Variants in ZNF469 observed in about 807,000 individuals in gnomAD.
ZNF469 encodes the protein zinc finger protein 469.
ZNF469 carries 1 observed loss-of-function variant against 1.0 expected under a neutral mutation model. That is an observed-to-expected ratio of 1.00 (90% CI 0.35 to 4.73). The LOEUF is 4.73. Among genes scored for constraint, ZNF469 ranks in the 30% most tolerant of loss-of-function variants. ZNF469 has a pLI of 0.16. For synonymous variants in ZNF469, 2,703 were observed against 2,363.4 expected (o/e 1.14, Z -4.17); for missense variants, 6,100 against 5,356.3 (o/e 1.14, Z -4.33).
At chr16:88,245,639 G>A in the ZNF469 span, among the ~76,000 whole-genome samples, 1 of 152,232 alleles carries the variant, frequency 6.6e-6, no homozygotes, top group Non-Finnish European at 1.5e-5. Context: ...TCCCGAAGAG[G>A]GGAATTCTCA....
At chr16:88,223,900 A>G in the ZNF469 span, among the ~76,000 whole-genome samples, 1 of 152,348 alleles carries the variant, frequency 6.6e-6, no homozygotes, top group African/African-American at 2.4e-5. Context: ...TCTCACGCTC[A>G]GCACCGCGTC....
At chr16:88,379,391 G>A (rs2092515758), upstream of ZNF469, among the ~76,000 whole-genome samples, 1 of 152,162 alleles carries the variant, frequency 6.6e-6, no homozygotes, top group East Asian at 1.9e-4. Context: ...CCCAGCCCCT[G>A]CTCCCTGCAG....
the ZNF469 span, among the ~76,000 whole-genome samples, chr16:88,192,614 A>G: frequency 3.5e-3 from 530 of 152,390 alleles, no homozygotes; most frequent in African/African-American, 0.012. Context: ...CAAGTCACAC[A>G]TGATGAGGAC....
At chr16:88,378,820 G>C (rs1390773008), upstream of ZNF469, among the ~76,000 whole-genome samples, 1 of 152,234 alleles carries the variant, frequency 6.6e-6, no homozygotes, top group African/African-American at 2.4e-5. Flanking sequence ...GGTGAAGCTT[G>C]CTTTGAAAAC....
intron 1 of ZNF469, among the ~76,000 whole-genome samples, chr16:88,383,588 C>T (rs938419120): frequency 4.7e-5 from 7 of 150,306 alleles, no homozygotes; most frequent in South Asian, 2.1e-4. Flanking sequence ...TGGCGAGGGC[C>T]GCGGAGCGAG....
the ZNF469 span, among the ~76,000 whole-genome samples, chr16:88,278,675 T>C: frequency 1.5e-5 from 2 of 134,230 alleles, 1 homozygote; most frequent in Non-Finnish European, 3.3e-5. Flanking sequence ...GTCAGTACCA[T>C]GTAGATATCA....
chr16:88,243,670 G>C, the ZNF469 span, among the ~76,000 whole-genome samples: 1 of 150,924 alleles, frequency 6.6e-6, no homozygotes, highest in Non-Finnish European at 1.5e-5. Flanking sequence ...TGGATGGGTA[G>C]ATGGATGGGT....
At chr16:88,363,307 G>A in the ZNF469 span, among the ~76,000 whole-genome samples, 15 of 152,148 alleles carry the variant, frequency 9.9e-5, no homozygotes, top group Admixed American at 2.6e-4. Flanking sequence ...ATTTTATTCT[G>A]GACATTGTGA....
At chr16:88,157,842 C>T in the ZNF469 span, among the ~76,000 whole-genome samples, 1 of 151,696 alleles carries the variant, frequency 6.6e-6, no homozygotes, top group Admixed American at 6.6e-5. Context: ...GTGCCATGCC[C>T]GTACAAAGTG....
chr16:88,408,076 T>A (rs1415281794), intron 1 of ZNF469, among the ~76,000 whole-genome samples: 2 of 152,248 alleles, frequency 1.3e-5, no homozygotes, highest in African/African-American at 4.8e-5. Flanking sequence ...GTAAGCTTTT[T>A]GGTTTGTGGT....
intron 1 of ZNF469, among the ~76,000 whole-genome samples, chr16:88,406,187 G>A (rs1467375219): frequency 1.3e-5 from 2 of 152,206 alleles, no homozygotes; most frequent in African/African-American, 4.8e-5. Flanking sequence ...CCGCCCTTCC[G>A]TGGGGCCCAG....
Position 88,436,050 on chromosome 16 carries a change from C to G in ZNF469, c.8580C>G (p.Ser2860=). 1 of 1,550,274 alleles carries G rather than the reference C, an allele frequency of 6.5e-7. No homozygotes were observed. Among genetic ancestry groups the G allele is most frequent in the South Asian group, 1.2e-5 (1 of 84,068 alleles). Residue 2860 remains serine, a synonymous_variant, in exon 3 of 3, where the codon TCC becomes TCG. Transcript: ENST00000565624. ...TGTTTGATGATGAGGTCTCTTTCTC[C>G]CAGCTCTTCCCTCCAGGCGGTCGCT... ...PSLFDDEVSF[S]QLFPPGGRLT...
intron 1 of ZNF469, among the ~76,000 whole-genome samples, chr16:88,412,026 G>A (rs974342846): frequency 0.024 from 7 of 286 alleles, no homozygotes; most frequent in African/African-American, 0.059. Flanking sequence ...TGTTGGTCTC[G>A]CCTCTGTCTC....
chr16:88,205,883 G>A, the ZNF469 span, among the ~76,000 whole-genome samples: 47 of 152,294 alleles, frequency 3.1e-4, 1 homozygote, highest in East Asian at 8.7e-3. The surrounding 1 kb of genome is among the most constrained non-coding windows in gnomAD (Gnocchi z 4.2). Context: ...AAAGAAAGTC[G>A]GCAATGAGGC....
the ZNF469 span, among the ~76,000 whole-genome samples, chr16:88,180,223 T>C: frequency 6.6e-6 from 1 of 152,168 alleles, no homozygotes; most frequent in African/African-American, 2.4e-5. Context: ...AGGTGGTAGA[T>C]TTAAATTCAA....
chr16:88,354,651 C>A, the ZNF469 span, among the ~76,000 whole-genome samples: 1 of 152,102 alleles, frequency 6.6e-6, no homozygotes, highest in Non-Finnish European at 1.5e-5. Context: ...CAAATGGAAT[C>A]GAGGCTGCTG....
chr16:88,124,481 C>T, the ZNF469 span, among the ~76,000 whole-genome samples: 1 of 152,230 alleles, frequency 6.6e-6, no homozygotes, highest in East Asian at 1.9e-4. Context: ...CCTCAACTTC[C>T]CAAAGTGCTG....
At chr16:88,273,270 G>C in the ZNF469 span, among the ~76,000 whole-genome samples, 1 of 151,662 alleles carries the variant, frequency 6.6e-6, no homozygotes. Flanking sequence ...ATGACCTTCA[G>C]AGGAAAACAG....
the ZNF469 span, among the ~76,000 whole-genome samples, chr16:88,187,135 G>T: frequency 6.6e-6 from 1 of 152,092 alleles, no homozygotes; most frequent in East Asian, 1.9e-4. Context: ...TGAGGTGTCT[G>T]TGGAGACCCC....
Sources: gnomAD v4.1 joint callset for allele counts (sites outside exome capture counted in the v4.1 genomes callset) on GRCh38, gnomAD v4.1.1 for gene constraint, Gnocchi (gnomAD v3.1) non-coding constraint, MANE v1.5 for transcripts, NCBI Gene and HGNC (gene_info 2026-07-23, HGNC 2026-07-21) for gene names.